Variants in ADAMTSL1 observed in about 807,000 individuals in gnomAD.
ADAMTSL1 encodes the protein ADAMTS-like protein 1.
In ADAMTSL1, 126 loss-of-function variants were observed where a neutral mutation model predicts 201.8. The observed-to-expected ratio is 0.62, with a 90% CI of 0.54 to 0.72. The LOEUF (loss-of-function observed/expected upper bound fraction) is 0.72. Among genes scored for constraint, ADAMTSL1 ranks in the 30% least tolerant of loss-of-function variants. The pLI is 0.00. For synonymous variants in ADAMTSL1, 1,121 were observed against 903.4 expected, an observed-to-expected ratio of 1.24 and a Z score of -4.32; for missense variants, 2,679 against 2,277.8, an observed-to-expected ratio of 1.18 and a Z score of -3.59.
chr9:18,060,817 C>T (rs1313725326), intron 1 of ADAMTSL1, among the ~76,000 whole-genome samples: 2 of 152,118 alleles, frequency 1.3e-5, no homozygotes, highest in African/African-American at 4.8e-5. Flanking sequence ...AATCTTTTTG[C>T]ATATTCAGTA....
At chr9:18,228,411 CCTT>C (rs1377825908) in intron 2 of ADAMTSL1, among the ~76,000 whole-genome samples, 3 of 151,932 alleles carry the variant, frequency 2.0e-5, no homozygotes, top group Non-Finnish European at 4.4e-5. Context: ...AAATTCTTCT[CCTT>C]CTATTATTTA....
chr9:18,334,130 CT>C (rs1246701226), intron 2 of ADAMTSL1, among the ~76,000 whole-genome samples: 1 of 152,030 alleles, frequency 6.6e-6, no homozygotes, highest in African/African-American at 2.4e-5. Context: ...ATTAATATTA[CT>C]TACTTCTCAG....
At chr9:18,823,502 G>C (rs1280985658) in intron 21 of ADAMTSL1, among the ~76,000 whole-genome samples, 1 of 152,082 alleles carries the variant, frequency 6.6e-6, no homozygotes, top group East Asian at 1.9e-4. Context: ...TAGCTCCCAG[G>C]TCTGCTTCCA....
At chr9:18,204,978 C>T (rs1246307940) in intron 2 of ADAMTSL1, among the ~76,000 whole-genome samples, 1 of 152,086 alleles carries the variant, frequency 6.6e-6, no homozygotes, top group Non-Finnish European at 1.5e-5. Context: ...AGACAAAATG[C>T]CACCAGTGCT....
At chr9:18,690,808 G>A (rs1831165830) in intron 13 of ADAMTSL1, among the ~76,000 whole-genome samples, 1 of 152,056 alleles carries the variant, frequency 6.6e-6, no homozygotes, top group Non-Finnish European at 1.5e-5. Flanking sequence ...ATTCTCTGCA[G>A]CAGCAAAGTG....
intron 2 of ADAMTSL1, among the ~76,000 whole-genome samples, chr9:18,174,718 A>T (rs1245279848): frequency 1.3e-5 from 2 of 152,306 alleles, no homozygotes; most frequent in Admixed American, 1.3e-4. Context: ...CACTAACAAG[A>T]CATTATTTAA....
Position 18,536,443 on chromosome 9 carries a change from C to CT in ADAMTSL1, c.237+3166dup, listed in dbSNP as rs34201579. On this transcript the variant is annotated intron_variant, in intron 3 of 28. Transcript: ENST00000380548. ...AGTAGAAAACATCTCCCCAGTTTCC[C>CT]TTTTTTTTTTTTTTTCCTGAAAAGC... Among the ~76,000 whole-genome samples, 1,060 of 142,658 alleles carry CT rather than the reference C, an allele frequency of 7.4e-3. 5 individuals are homozygous for CT. Among genetic ancestry groups the CT allele is most frequent in the African/African-American group, 0.021 (797 of 38,864 alleles). 93.6% of individuals were successfully genotyped at this position (142,658 alleles called of 152,430 possible). A position where few individuals can be genotyped will look rare whatever the true frequency, so the allele number is the denominator to read the frequency against.
At chr9:18,638,220 A>G (rs990233107) in intron 6 of ADAMTSL1, among the ~76,000 whole-genome samples, 8 of 152,054 alleles carry the variant, frequency 5.3e-5, no homozygotes, top group Non-Finnish European at 1.2e-4. Flanking sequence ...CCACTTGTTG[A>G]TATTCTTTGC....
chr9:18,693,364 G>A (rs569432635), intron 13 of ADAMTSL1, among the ~76,000 whole-genome samples: 16 of 152,232 alleles, frequency 1.1e-4, no homozygotes, highest in Admixed American at 4.6e-4. Flanking sequence ...AAATTCGGCC[G>A]GCATATACTG....
At chr9:17,977,360 AT>A in intron 1 of ADAMTSL1, among the ~76,000 whole-genome samples, 1 of 152,206 alleles carries the variant, frequency 6.6e-6, no homozygotes. Context: ...GGAAAAATTC[AT>A]TCTTCAAAAA....
At chr9:18,380,157 CT>C (rs1329279070) in intron 2 of ADAMTSL1, among the ~76,000 whole-genome samples, 1 of 152,056 alleles carries the variant, frequency 6.6e-6, no homozygotes, top group African/African-American at 2.4e-5. Flanking sequence ...ACAGCCTTTC[CT>C]CCACTTATGC....
chr9:18,595,239 C>G (rs1436196693), intron 4 of ADAMTSL1, among the ~76,000 whole-genome samples: 1 of 152,106 alleles, frequency 6.6e-6, no homozygotes, highest in Non-Finnish European at 1.5e-5. Flanking sequence ...TAGGATGGGT[C>G]CCTTACTGCA....
At chr9:18,509,454 C>T (rs566969129) in intron 2 of ADAMTSL1, among the ~76,000 whole-genome samples, 1 of 152,264 alleles carries the variant, frequency 6.6e-6, no homozygotes, top group South Asian at 2.1e-4. Flanking sequence ...CACTAATCCT[C>T]AGTGGAATAT....
chr9:18,843,137 C>A lies in ADAMTSL1; in HGVS notation c.4249+13160C>A, dbSNP rs1825844124. 1.3e-5 allele frequency among the ~76,000 whole-genome samples: 2 copies of A among 150,870 alleles called. 1 individual carries two copies. The highest frequency in any genetic ancestry group is 5.0e-5 in the African/African-American group (2 of 40,180). On this transcript the variant is annotated intron_variant, in intron 23 of 28. Transcript: ENST00000380548. Reference sequence around the variant, plus strand: ...GCAGTTTCTTCCTAGCCTCAATGGTCTTTACAATTTGGCATGATTTTGCAG... The same window carrying A: ...GCAGTTTCTTCCTAGCCTCAATGGTATTTACAATTTGGCATGATTTTGCAG...
intron 1 of ADAMTSL1, among the ~76,000 whole-genome samples, chr9:17,962,782 A>G (rs1440497458): frequency 6.6e-6 from 1 of 152,240 alleles, no homozygotes; most frequent in African/African-American, 2.4e-5. Context: ...GTTTTCCTGA[A>G]TATGTTCAAC....
In ADAMTSL1 at chr9:18,892,407, G is replaced by C; in HGVS notation, c.4662G>C (p.Trp1554Cys). 2 of 1,613,226 alleles carry C rather than the reference G, an allele frequency of 1.2e-6. No individual in the cohort carries two copies. The highest frequency in any genetic ancestry group is 1.7e-6 in the Non-Finnish European group (2 of 1,179,714). Residue 1554 changes from tryptophan to cysteine, a missense_variant, in exon 26 of 29, where the codon TGG becomes TGC. By Grantham distance (215) the Trp-to-Cys change is radical. Transcript: ENST00000380548. ...TCCCCAGGTGGATGGTGACCTCCTG[G>C]TCTGCCTGTACCCGGAGCTGTGGGG... ...DCPSRWMVTS[W>C]SACTRSCGGG...
At chr9:18,332,672 T>C (rs1835081517) in intron 2 of ADAMTSL1, among the ~76,000 whole-genome samples, 2 of 152,180 alleles carry the variant, frequency 1.3e-5, no homozygotes, top group African/African-American at 4.8e-5. Flanking sequence ...ACAGCATCAA[T>C]AGAATTTGTT....
intron 1 of ADAMTSL1, among the ~76,000 whole-genome samples, chr9:18,049,875 G>A (rs961358233): frequency 6.6e-6 from 1 of 152,114 alleles, no homozygotes; most frequent in Admixed American, 6.5e-5. Context: ...TGCCTGCTTC[G>A]GCCTCCCAAA....
chr9:18,172,310 A>G (rs565890691), intron 2 of ADAMTSL1, among the ~76,000 whole-genome samples: 27 of 152,234 alleles, frequency 1.8e-4, no homozygotes, highest in African/African-American at 6.3e-4. Flanking sequence ...ATTCTTAAAA[A>G]GATGAACAGC....
Sources: gnomAD v4.1 joint callset for allele counts (sites outside exome capture counted in the v4.1 genomes callset) on GRCh38, gnomAD v4.1.1 for gene constraint, MANE v1.5 for transcripts, NCBI Gene and HGNC (gene_info 2026-07-23, HGNC 2026-07-21) for gene names.